Variants in SEM1 observed in about 807,000 individuals in gnomAD.
SEM1 encodes SEM1 26S proteasome subunit.
Under a neutral mutation model 12.7 loss-of-function variants are expected in SEM1, and 3 were observed. The ratio of observed to expected loss-of-function variants is 0.24; its 90% CI spans 0.11 to 0.61. SEM1 has a LOEUF of 0.61. Ranked by LOEUF, SEM1 falls within the 20% of genes least tolerant of loss-of-function variation. SEM1 has a pLI of 0.88. For missense variants in SEM1, 59 were observed against 81.3 expected, an observed-to-expected ratio of 0.73 and a Z score of 1.06; for synonymous variants, 30 against 27.8, an observed-to-expected ratio of 1.08 and a Z score of -0.25.
downstream of SEM1, among the ~76,000 whole-genome samples, chr7:96,617,784 TATTGAG>T (rs1807765650): frequency 6.6e-6 from 1 of 152,252 alleles, no homozygotes; most frequent in Non-Finnish European, 1.5e-5. Context: ...TTTCTGCATA[TATTGAG>T]ATTATCATAT....
intron 1 of SEM1, among the ~76,000 whole-genome samples, chr7:96,706,570 C>CAAAAA (rs67892273): frequency 1.8e-3 from 144 of 78,078 alleles, no homozygotes; most frequent in African/African-American, 5.4e-3. Context: ...CTCAAACAAA[C>CAAAAA]AAAAAAAAAA....
At chr7:96,694,310 G>C (rs1048515415) in intron 2 of SEM1, among the ~76,000 whole-genome samples, 1 of 151,932 alleles carries the variant, frequency 6.6e-6, no homozygotes, top group African/African-American at 2.4e-5. Flanking sequence ...AGAAGCCACT[G>C]AACTGTACAC....
intron 2 of SEM1, among the ~76,000 whole-genome samples, chr7:96,667,550 T>C (rs781456798): frequency 2.0e-5 from 3 of 152,224 alleles, no homozygotes; most frequent in Non-Finnish European, 4.4e-5. Flanking sequence ...TCCCCGAATC[T>C]TGGGATTATT....
chr7:96,642,932 CT>C (rs1808659499), intron 2 of SEM1, among the ~76,000 whole-genome samples: 1 of 151,892 alleles, frequency 6.6e-6, no homozygotes, highest in African/African-American at 2.4e-5. Flanking sequence ...ATTTAGTTAT[CT>C]TTTTTTCATT....
chr7:96,507,615 T>C (rs1803798424), intron 2 of SEM1, among the ~76,000 whole-genome samples: 1 of 152,144 alleles, frequency 6.6e-6, no homozygotes, highest in African/African-American at 2.4e-5. Context: ...CTGTGGATGA[T>C]GGCTACTATC....
At position 96,698,334 on chromosome 7, in the gene SEM1, T is replaced by TG. The variant is rs1208518994; in HGVS notation, c.77-3444_77-3443insC. Among the ~76,000 whole-genome samples the TG allele has an allele frequency of 2.3e-4, 35 of 152,112 alleles. No homozygotes were observed. The East Asian group carries it at 6.6e-3, about 29-fold the overall frequency. On this transcript the variant is annotated intron_variant, in intron 1 of 2. Coordinates refer to ENST00000248566, the MANE Select transcript of SEM1 (RefSeq NM_006304.2). ...CATAGGAATACATGTGCCACAGTGG[T>TG]TTGCTGCACCCATCAACCCATCACC...
At chr7:96,514,103 A>G (rs1804016253) in intron 2 of SEM1, among the ~76,000 whole-genome samples, 1 of 152,184 alleles carries the variant, frequency 6.6e-6, no homozygotes, top group African/African-American at 2.4e-5. Context: ...AAACATATTT[A>G]TTCAAATATC....
chr7:96,683,797 G>GC (rs1486229088), downstream of SEM1, among the ~76,000 whole-genome samples: 3 of 152,172 alleles, frequency 2.0e-5, no homozygotes, highest in Non-Finnish European at 2.9e-5. Context: ...ACCAAACACC[G>GC]CATGTTTTCA....
intron 2 of SEM1, among the ~76,000 whole-genome samples, chr7:96,544,660 A>C (rs73390947): frequency 0.021 from 3,176 of 152,120 alleles, 97 homozygotes; most frequent in African/African-American, 0.073. Flanking sequence ...AAACTTAACT[A>C]CTAATAGCCT....
At chr7:96,635,687 G>A (rs957464681) in intron 2 of SEM1, among the ~76,000 whole-genome samples, 1 of 152,140 alleles carries the variant, frequency 6.6e-6, no homozygotes, top group Non-Finnish European at 1.5e-5. Context: ...TGGTGAAGCT[G>A]ATGGGTATGC....
rs545506914 is a variant in SEM1, at chr7:96,628,520, TAAA to T, written c.171-5880_171-5878del. 1.2e-3 allele frequency among the ~76,000 whole-genome samples: 189 copies of T among 152,208 alleles called. 1 individual carries two copies. The highest frequency in any genetic ancestry group is 2.3e-3 in the Admixed American group (35 of 15,278). The stretch of plus-strand genomic sequence containing the variant: ...CATAAACAAGCAAAGAGAAAATGAA[TAAA>T]AGCTCTACACTTTAACTTTATCCTC... On this transcript the variant is annotated intron_variant, in intron 2 of 2. Coordinates refer to the SEM1 transcript ENST00000417009.
At chr7:96,590,596 A>G (rs1223158834) in intron 2 of SEM1, among the ~76,000 whole-genome samples, 2 of 152,244 alleles carry the variant, frequency 1.3e-5, no homozygotes, top group Admixed American at 6.5e-5. Flanking sequence ...CTTGAAAACA[A>G]AGACATTGCT....
intron 2 of SEM1, among the ~76,000 whole-genome samples, chr7:96,652,088 G>A (rs1035697578): frequency 6.6e-6 from 1 of 152,046 alleles, no homozygotes; most frequent in African/African-American, 2.4e-5. Flanking sequence ...AGGTAATAAT[G>A]TTGTCTGAAA....
intron 2 of SEM1, among the ~76,000 whole-genome samples, chr7:96,547,786 G>A (rs755739650): frequency 1.8e-4 from 28 of 152,004 alleles, no homozygotes; most frequent in Non-Finnish European, 3.2e-4. Flanking sequence ...CACTGGGCCC[G>A]GATCTTCCCT....
chr7:96,592,938 T>C (rs1024670991), intron 2 of SEM1, among the ~76,000 whole-genome samples: 1 of 150,206 alleles, frequency 6.7e-6, no homozygotes, highest in South Asian at 2.1e-4. Flanking sequence ...TTTCCACATA[T>C]TACCGTCCTT....
intron 1 of SEM1, among the ~76,000 whole-genome samples, chr7:96,704,497 T>C (rs1444297869): frequency 6.6e-6 from 1 of 152,218 alleles, no homozygotes; most frequent in African/African-American, 2.4e-5. Context: ...GATTTGAACC[T>C]AGGCCTAATC....
chr7:96,699,260 T>C (rs1465383551), intron 1 of SEM1, among the ~76,000 whole-genome samples: 1 of 152,180 alleles, frequency 6.6e-6, no homozygotes, highest in Non-Finnish European at 1.5e-5. Flanking sequence ...CATCATTCTC[T>C]TCACTTCATT....
intron 2 of SEM1, among the ~76,000 whole-genome samples, chr7:96,534,389 A>G (rs1804728939): frequency 6.6e-6 from 1 of 152,080 alleles, no homozygotes. Flanking sequence ...AAATGTGTCA[A>G]CATTTGGAAA....
Position 96,682,955 on chromosome 7 carries a change from G to T in SEM1, c.171-9096C>A, listed in dbSNP as rs1453751132. 3.3e-5 allele frequency among the ~76,000 whole-genome samples: 5 copies of T among 151,858 alleles called. No individual in the cohort carries two copies. In the East Asian group the frequency reaches 9.7e-4, roughly 29 times the overall value. ...ATGCAGCCAACAAACATATGAAAAA[G>T]TGCTCTTTATCACTGGTCATTAGAG... On this transcript the variant is annotated intron_variant, in intron 2 of 2. Transcript: ENST00000413065.
Sources: gnomAD v4.1 joint callset for allele counts (sites outside exome capture counted in the v4.1 genomes callset) on GRCh38, gnomAD v4.1.1 for gene constraint, MANE v1.5 for transcripts, NCBI Gene and HGNC (gene_info 2026-07-23, HGNC 2026-07-21) for gene names.